ULK4: variants seen among roughly 807,000 people sequenced by gnomAD.
ULK4 encodes unc-51 like kinase 4.
In ULK4, 133 loss-of-function variants were observed where a neutral mutation model predicts 160.6. The ratio of observed to expected loss-of-function variants is 0.83; its 90% confidence interval spans 0.72 to 0.96. The LOEUF (loss-of-function observed/expected upper bound fraction) is 0.96, where lower values mean the gene tolerates loss of function less well. Ranked by LOEUF, ULK4 falls within the 40% of genes least tolerant of loss-of-function variation. The pLI is 0.00. For missense variants in ULK4, 1,580 were observed against 1,499.5 expected, an observed-to-expected ratio of 1.05 and a Z score of -0.89; for synonymous variants, 534 against 539.8, an observed-to-expected ratio of 0.99 and a Z score of 0.15.
intron 32 of ULK4, among the ~76,000 whole-genome samples, chr3:41,472,744 G>T (rs1008452073): frequency 6.6e-6 from 1 of 151,982 alleles, no homozygotes; most frequent in African/African-American, 2.4e-5. Context: ...AAAATCGAAG[G>T]GGAAATAATA....
chr3:41,840,366 GCCCTCT>G (rs945242819), intron 17 of ULK4, among the ~76,000 whole-genome samples: 8 of 151,970 alleles, frequency 5.3e-5, no homozygotes, highest in Non-Finnish European at 2.9e-5. Flanking sequence ...CCTCTCCCTT[GCCCTCT>G]CCCTCTCCCT....
At chr3:41,584,989 C>A (rs923081881) in intron 31 of ULK4, among the ~76,000 whole-genome samples, 3 of 151,924 alleles carry the variant, frequency 2.0e-5, no homozygotes, top group African/African-American at 7.3e-5. Flanking sequence ...TAAAACACTG[C>A]CAAAATCAAA....
chr3:41,299,229 C>T (rs1194206409), intron 35 of ULK4, among the ~76,000 whole-genome samples: 1 of 152,134 alleles, frequency 6.6e-6, no homozygotes, highest in East Asian at 1.9e-4. Context: ...CGAGAGGCCA[C>T]GTGGGGCAGA....
intron 29 of ULK4, among the ~76,000 whole-genome samples, chr3:41,676,809 T>C (rs1474621248): frequency 6.6e-6 from 1 of 152,076 alleles, no homozygotes; most frequent in Non-Finnish European, 1.5e-5. Context: ...TGCAGGTTTC[T>C]GCTGGAAACA....
intron 30 of ULK4, among the ~76,000 whole-genome samples, chr3:41,660,488 C>G (rs557394608): frequency 1.7e-4 from 26 of 152,250 alleles, no homozygotes; most frequent in African/African-American, 6.3e-4. Context: ...AAATCAATTA[C>G]TCATTCCAAA....
intron 34 of ULK4, among the ~76,000 whole-genome samples, chr3:41,446,060 A>T (rs562531327): frequency 3.3e-5 from 5 of 152,250 alleles, no homozygotes; most frequent in Admixed American, 1.3e-4. Flanking sequence ...AAAAAGTGGG[A>T]GAAGGATATG....
At position 41,884,129 on chromosome 3, in the gene ULK4, G is replaced by A. The variant is rs115585617; in HGVS notation, c.1578-177C>T. On this transcript the variant is annotated intron_variant, in intron 16 of 36. Transcript: ENST00000301831. ...ACACAGCCCAGAGAAACTCTCCCTC[G>A]TATACTTAGGGAGACACGAACCGTA... Among the ~76,000 whole-genome samples the A allele has an allele frequency of 3.5e-3, 529 of 152,228 alleles. 2 individuals carry two copies. Among genetic ancestry groups the A allele is most frequent in the African/African-American group, 0.012 (501 of 41,522 alleles).
intron 25 of ULK4, among the ~76,000 whole-genome samples, chr3:41,706,837 A>AT (rs1559498623): frequency 9.0e-5 from 11 of 122,192 alleles, no homozygotes; most frequent in African/African-American, 6.5e-4. Context: ...CAAAAAAAAA[A>AT]AAAAAAAAAA....
rs368989297 is a variant in ULK4, at chr3:41,834,621, T to C, written c.1764+1243A>G. Among the ~76,000 whole-genome samples the C allele has an allele frequency of 3.4e-4, 52 of 152,376 alleles. 1 individual carries two copies. In the South Asian group the frequency reaches 0.01, roughly 30 times the overall value. ...AATTATGGAGTTAAACAAGTTAAAA[T>C]ACTCATGTTTTATAACAATCATGGT... On this transcript the variant is annotated intron_variant, in intron 18 of 36. Coordinates refer to ENST00000301831, the MANE Select transcript of ULK4 (RefSeq NM_017886.4).
chr3:41,412,714 C>G (rs1052431810), intron 34 of ULK4, among the ~76,000 whole-genome samples: 6 of 151,802 alleles, frequency 4.0e-5, no homozygotes, highest in Non-Finnish European at 8.8e-5. Context: ...CATGCACCAC[C>G]AAGCCCAGCT....
chr3:41,918,565 A>AATTC, intron 6 of ULK4, 25 bp from the exon 7 acceptor site: 3 of 1,300,974 alleles, frequency 2.3e-6, no homozygotes, highest in Non-Finnish European at 2.1e-6. Flanking sequence ...AAACTTGCAA[A>AATTC]ATGAAAGAAG....
At chr3:41,745,946 G>T (rs2038403866) in intron 22 of ULK4, among the ~76,000 whole-genome samples, 1 of 150,596 alleles carries the variant, frequency 6.6e-6, no homozygotes, top group African/African-American at 2.5e-5. Flanking sequence ...ACTCATTCAT[G>T]ATGAGAGAAA....
Position 41,702,443 on chromosome 3 carries a change from C to A in ULK4, c.2781+2614G>T, listed in dbSNP as rs888521843. Among the ~76,000 whole-genome samples, 5 of 152,126 alleles carry A rather than the reference C, an allele frequency of 3.3e-5. No homozygotes were observed. The South Asian group carries it at 1.0e-3, about 32-fold the overall frequency. On this transcript the variant is annotated intron_variant, in intron 27 of 36. Coordinates refer to ENST00000301831, the MANE Select transcript of ULK4 (RefSeq NM_017886.4). ...TACAGGCATGAGTCATCCCGCCTGG[C>A]CCAGACAAATTAATTTTAAAACACT...
intron 31 of ULK4, among the ~76,000 whole-genome samples, chr3:41,596,371 G>C (rs1307216053): frequency 1.3e-5 from 2 of 152,184 alleles, no homozygotes; most frequent in East Asian, 3.8e-4. Flanking sequence ...AAGAATAGGA[G>C]AGTTAGGAGT....
intron 21 of ULK4, among the ~76,000 whole-genome samples, chr3:41,766,008 T>C (rs1019706919): frequency 1.3e-5 from 2 of 151,916 alleles, no homozygotes; most frequent in Admixed American, 6.6e-5. Flanking sequence ...TGGTGGCTCA[T>C]GCCTTTAATC....
intron 31 of ULK4, among the ~76,000 whole-genome samples, chr3:41,573,683 T>C (rs952930012): frequency 1.3e-5 from 2 of 152,062 alleles, no homozygotes; most frequent in Non-Finnish European, 2.9e-5. Context: ...ACATAGCACA[T>C]CCTATTCAAC....
At chr3:41,761,859 T>C (rs2038994983) in intron 21 of ULK4, among the ~76,000 whole-genome samples, 3 of 152,120 alleles carry the variant, frequency 2.0e-5, no homozygotes, top group African/African-American at 7.2e-5. Context: ...GAGAATTGCT[T>C]GAGCTCAGGA....
intron 17 of ULK4, among the ~76,000 whole-genome samples, chr3:41,858,607 C>T (rs1284611711): frequency 6.6e-6 from 1 of 150,894 alleles, no homozygotes; most frequent in Non-Finnish European, 1.5e-5. Context: ...ATCCTCCCAC[C>T]TCAGCCTCCC....
At chr3:41,367,472 A>C (rs1480838079) in intron 35 of ULK4, among the ~76,000 whole-genome samples, 1 of 152,186 alleles carries the variant, frequency 6.6e-6, no homozygotes, top group Non-Finnish European at 1.5e-5. Flanking sequence ...TCTTGTGCCC[A>C]CCCACAGGAC....
Sources: gnomAD v4.1 joint callset for allele counts (sites outside exome capture counted in the v4.1 genomes callset) on GRCh38, gnomAD v4.1.1 for gene constraint, MANE v1.5 for transcripts, NCBI Gene and HGNC (gene_info 2026-07-23, HGNC 2026-07-21) for gene names.